The following XYLT1 variants were observed in gnomAD, a reference collection of about 807,000 sequenced individuals.
XYLT1 encodes xylosyltransferase 1, also known as beta-D-xylosyltransferase 1.
Under a neutral mutation model 91.3 loss-of-function variants are expected in XYLT1, and 36 were observed. The ratio of observed to expected loss-of-function variants is 0.39; its 90% CI spans 0.30 to 0.52. The LOEUF (loss-of-function observed/expected upper bound fraction) is 0.52, where lower values mean the gene tolerates loss of function less well. XYLT1 is among the 20% of genes least tolerant of loss of function. The pLI, the probability that XYLT1 is intolerant of heterozygous loss-of-function variation, is 0.68. For missense variants in XYLT1, 1,242 were observed against 1,284.5 expected, an observed-to-expected ratio of 0.97 and a Z score of 0.51; for synonymous variants, 588 against 532.0, an observed-to-expected ratio of 1.11 and a Z score of -1.45.
At chr16:17,366,531 C>A (rs995016786) in intron 1 of XYLT1, among the ~76,000 whole-genome samples, 8 of 152,146 alleles carry the variant, frequency 5.3e-5, no homozygotes, top group Non-Finnish European at 1.0e-4. Context: ...CCCATCTCTA[C>A]TAAAAATATA....
At chr16:17,173,177 T>C (rs975089974) in intron 5 of XYLT1, among the ~76,000 whole-genome samples, 2 of 152,262 alleles carry the variant, frequency 1.3e-5, no homozygotes, top group Non-Finnish European at 1.5e-5. Flanking sequence ...TCTCTGAGTA[T>C]TTAAATGGCT....
At chr16:17,186,967 G>A (rs1272142691) in intron 5 of XYLT1, among the ~76,000 whole-genome samples, 1 of 152,156 alleles carries the variant, frequency 6.6e-6, no homozygotes, top group Non-Finnish European at 1.5e-5. Flanking sequence ...TGCAGATGGA[G>A]CAGCAAGGAA....
At chr16:17,126,107 A>G (rs549659813) in intron 10 of XYLT1, among the ~76,000 whole-genome samples, 4 of 152,356 alleles carry the variant, frequency 2.6e-5, no homozygotes, top group African/African-American at 9.6e-5. Context: ...GAAAAAATTC[A>G]AAATACAAGT....
intron 2 of XYLT1, among the ~76,000 whole-genome samples, chr16:17,320,548 C>T (rs933376391): frequency 4.2e-5 from 6 of 144,314 alleles, no homozygotes; most frequent in Non-Finnish European, 7.5e-5. Flanking sequence ...GGTGCGATAT[C>T]GGCTCACTGC....
intron 2 of XYLT1, among the ~76,000 whole-genome samples, chr16:17,346,086 C>T (rs548994670): frequency 1.9e-4 from 29 of 152,254 alleles, no homozygotes; most frequent in African/African-American, 6.3e-4. Context: ...GCTGGGATTA[C>T]AGGCGTGAGC....
At chr16:17,178,205 GA>G (rs1352321411) in intron 5 of XYLT1, among the ~76,000 whole-genome samples, 1 of 152,188 alleles carries the variant, frequency 6.6e-6, no homozygotes, top group Non-Finnish European at 1.5e-5. Context: ...ACTGATGGGT[GA>G]GCTGTGTTTC....
intron 2 of XYLT1, among the ~76,000 whole-genome samples, chr16:17,316,823 A>ATTT (rs879309501): frequency 2.3e-5 from 3 of 131,272 alleles, no homozygotes; most frequent in African/African-American, 5.6e-5. Context: ...CCACAGGCAG[A>ATTT]TTTTTTTTTT....
intron 2 of XYLT1, among the ~76,000 whole-genome samples, chr16:17,274,298 G>A (rs1254082945): frequency 1.3e-5 from 2 of 152,190 alleles, no homozygotes; most frequent in Non-Finnish European, 2.9e-5. Flanking sequence ...AGTTGTGGGT[G>A]TTTAAGTAGG....
intron 2 of XYLT1, among the ~76,000 whole-genome samples, chr16:17,295,444 C>G (rs1416115415): frequency 6.6e-6 from 1 of 151,928 alleles, no homozygotes; most frequent in East Asian, 1.9e-4. Flanking sequence ...CAACCTCCAT[C>G]TCCCAGGTTC....
At chr16:17,146,629 TG>T (rs145953523) in intron 6 of XYLT1, among the ~76,000 whole-genome samples, 9,588 of 152,226 alleles carry the variant, frequency 0.063, 366 homozygotes, top group East Asian at 0.15. Context: ...CATTTCTGGT[TG>T]AATAAAACAT....
At chr16:17,303,087 C>T (rs1285947378) in intron 2 of XYLT1, among the ~76,000 whole-genome samples, 1 of 150,768 alleles carries the variant, frequency 6.6e-6, no homozygotes, top group Non-Finnish European at 1.5e-5. Context: ...CTCACTGATT[C>T]CTTGGTTTAC....
intron 1 of XYLT1, among the ~76,000 whole-genome samples, chr16:17,452,983 G>A (rs1035996213): frequency 1.3e-5 from 2 of 152,096 alleles, no homozygotes; most frequent in Non-Finnish European, 2.9e-5. Context: ...TAAGCTAAAG[G>A]GAAAGGAGGC....
chr16:17,425,718 C>T (rs538882872), intron 1 of XYLT1, among the ~76,000 whole-genome samples: 1 of 152,320 alleles, frequency 6.6e-6, no homozygotes, highest in South Asian at 2.1e-4. Context: ...GGTTTTCTTT[C>T]CCCCAGCACA....
intron 1 of XYLT1, among the ~76,000 whole-genome samples, chr16:17,431,395 G>A (rs1369849917): frequency 2.6e-5 from 4 of 152,134 alleles, no homozygotes; most frequent in African/African-American, 7.2e-5. Context: ...GGGATGCTGA[G>A]GCTGCGTGTC....
In XYLT1 at chr16:17,108,314, A is replaced by T. The variant is rs1966805903; in HGVS notation, c.*381T>A. On this transcript the variant is annotated 3_prime_UTR_variant, in exon 12 of 12. Coordinates refer to ENST00000261381, the MANE Select transcript of XYLT1 (RefSeq NM_022166.4). ...CCAGAGCAGCTTGGATTTCGTCAGC[A>T]CCCTGAACCTCCACTTATGACTGTG... is the stretch of plus-strand genomic sequence containing the variant. 1.7e-5 allele frequency: 3 copies of T among 177,238 alleles called. No homozygotes were observed. The Admixed American group carries it at 1.9e-4, about 11-fold the overall frequency. 11.0% of individuals were successfully genotyped at this position (177,238 alleles called of 1,614,324 possible). A position where few individuals can be genotyped will look rare whatever the true frequency, so the allele number is the denominator to read the frequency against.
chr16:17,166,636 T>C (rs547913943), intron 5 of XYLT1, among the ~76,000 whole-genome samples: 2 of 152,160 alleles, frequency 1.3e-5, no homozygotes, highest in East Asian at 3.9e-4. Flanking sequence ...TTCAGCCTCT[T>C]GAGTAGCTGG....
chr16:17,377,889 C>T (rs1484931932), intron 1 of XYLT1, among the ~76,000 whole-genome samples: 1 of 152,132 alleles, frequency 6.6e-6, no homozygotes, highest in Non-Finnish European at 1.5e-5. Flanking sequence ...GAGTTTCAGC[C>T]TCAAAGAGCA....
rs750448548 is a variant in XYLT1 at position 17,259,099 on chromosome 16, G to C, written c.802C>G (p.Leu268Val). The stretch of plus-strand genomic sequence containing the variant: ...CAGTGCTTGGACTTAGCACGGGACA[G>C]GGCAGAGATGGCCTCCTTGCCTGAG... Reference protein sequence around the residue: ...DISGKEAISALSRAKSKHCRQ... With the variant: ...DISGKEAISAVSRAKSKHCRQ... The change falls in exon 3 of 12, where the codon CTG (leucine) becomes GTG (valine). Residue 268 changes from leucine to valine, a missense_variant. Around this residue, in one of 3 missense-constraint regions of XYLT1, gnomAD observed 437 missense variants for 411.5 expected, o/e 1.06. Coordinates refer to ENST00000261381, the MANE Select transcript of XYLT1 (RefSeq NM_022166.4). 144 of 1,566,252 alleles carry C rather than the reference G, an allele frequency of 9.2e-5. No homozygotes were observed. The highest frequency in any genetic ancestry group is 1.2e-4 in the Non-Finnish European group (141 of 1,157,094).
In XYLT1 at chr16:17,102,036, C is replaced by T. The variant is rs913251450; in HGVS notation, c.*6659G>A. 6.6e-6 allele frequency: 1 copy of T among 152,192 alleles called. No individual in the cohort carries two copies. The highest frequency in any genetic ancestry group is 2.4e-5 in the African/African-American group (1 of 41,448). 9.4% of individuals were successfully genotyped at this position (152,192 alleles called of 1,614,324 possible). A position where few individuals can be genotyped will look rare whatever the true frequency, so the allele number is the denominator to read the frequency against. ...GTTTAAAAATCATATACTTCTGCCT[C>T]AACCAGGAGGTACTTATAGGAGGTT... On this transcript the variant is annotated 3_prime_UTR_variant, in exon 12 of 12. Coordinates refer to ENST00000261381, the MANE Select transcript of XYLT1 (RefSeq NM_022166.4).
Sources: gnomAD v4.1 joint callset for allele counts (sites outside exome capture counted in the v4.1 genomes callset) on GRCh38, gnomAD v4.1.1 for gene constraint, gnomAD v4.1.1 regional missense constraint, MANE v1.5 for transcripts, NCBI Gene and HGNC (gene_info 2026-07-23, HGNC 2026-07-21) for gene names.